KCNAB1: variants seen among roughly 807,000 people sequenced by gnomAD.
KCNAB1 encodes potassium voltage-gated channel subfamily A regulatory beta subunit 1.
A neutral mutation model predicts 64.6 loss-of-function variants in KCNAB1; 35 were observed. That is an observed-to-expected ratio of 0.54 (90% confidence interval 0.41 to 0.72). The LOEUF is 0.72. KCNAB1 is among the 30% of genes least tolerant of loss of function. The pLI, the probability that KCNAB1 is intolerant of heterozygous loss-of-function variation, is 0.00. For synonymous variants in KCNAB1, 177 were observed against 183.8 expected, an observed-to-expected ratio of 0.96 and a Z score of 0.30; for missense variants, 401 against 512.9, an observed-to-expected ratio of 0.78 and a Z score of 2.11.
intron 8 of KCNAB1, among the ~76,000 whole-genome samples, chr3:156,496,253 C>T (rs1206727316): frequency 9.9e-5 from 15 of 152,118 alleles, no homozygotes; most frequent in African/African-American, 2.2e-4. Flanking sequence ...TTGGCTGTGT[C>T]CCCACCCAAA....
intron 8 of KCNAB1, among the ~76,000 whole-genome samples, chr3:156,493,779 T>A (rs572440207): frequency 2.0e-5 from 3 of 152,256 alleles, no homozygotes; most frequent in Non-Finnish European, 4.4e-5. Context: ...AGAATGTTCT[T>A]CAGTTGGAGT....
intron 1 of KCNAB1, among the ~76,000 whole-genome samples, chr3:156,403,399 C>T (rs1397531975): frequency 6.6e-6 from 1 of 152,194 alleles, no homozygotes; most frequent in Non-Finnish European, 1.5e-5. Context: ...TCTTTCTTTA[C>T]CCTCTGGAGA....
At chr3:156,177,287 T>G (rs1712440955) in intron 1 of KCNAB1, among the ~76,000 whole-genome samples, 1 of 152,226 alleles carries the variant, frequency 6.6e-6, no homozygotes, top group Non-Finnish European at 1.5e-5. Flanking sequence ...CAGTCACACA[T>G]GGCCAATCCT....
At chr3:156,292,248 C>T (rs1720487830) in intron 1 of KCNAB1, 1 of 1,148,274 alleles carries the variant, frequency 8.7e-7, no homozygotes, top group African/African-American at 1.5e-5. Flanking sequence ...TTAGAATTCT[C>T]AGGTGGTTCT....
chr3:156,424,409 T>C (rs936328264), intron 2 of KCNAB1, among the ~76,000 whole-genome samples: 6 of 152,158 alleles, frequency 3.9e-5, no homozygotes, highest in Non-Finnish European at 8.8e-5. Context: ...TCTAAGGTAA[T>C]TTGACATTTG....
rs1241826427 is a variant in KCNAB1, at chr3:156,508,828, T to C, written c.659-5536T>C. On this transcript the variant is annotated intron_variant, in intron 8 of 13. Coordinates refer to ENST00000490337, the MANE Select transcript of KCNAB1 (RefSeq NM_172160.3). The surrounding 1 kb of genome is among the most constrained non-coding windows in gnomAD (Gnocchi z 4.1). ...ACAGGGAGTATGTACGAGAGCTGCC[T>C]GTGGCGGGTGAGCGCTGGGGAGGCA... 2.6e-5 allele frequency among the ~76,000 whole-genome samples: 4 copies of C among 152,232 alleles called. No homozygotes were observed. The highest frequency in any genetic ancestry group is 4.4e-5 in the Non-Finnish European group (3 of 68,036).
intron 1 of KCNAB1, among the ~76,000 whole-genome samples, chr3:156,181,759 G>A (rs1239898275): frequency 6.6e-6 from 1 of 152,094 alleles, no homozygotes; most frequent in Non-Finnish European, 1.5e-5. Context: ...AGGCTCTAAG[G>A]CTTGATGAGT....
chr3:156,398,183 A>G (rs985707981), intron 1 of KCNAB1, among the ~76,000 whole-genome samples: 7 of 152,170 alleles, frequency 4.6e-5, no homozygotes, highest in Admixed American at 2.0e-4. Context: ...GAGTTAAACA[A>G]TGAGAACACA....
chr3:156,135,633 A>T (rs1714301461), intron 1 of KCNAB1, among the ~76,000 whole-genome samples: 1 of 152,244 alleles, frequency 6.6e-6, no homozygotes, highest in Middle Eastern at 3.2e-3. Flanking sequence ...GATTGGAATG[A>T]TCCCAGTGAG....
intron 1 of KCNAB1, among the ~76,000 whole-genome samples, chr3:156,273,147 C>T (rs1255464473): frequency 1.3e-5 from 2 of 151,214 alleles, no homozygotes; most frequent in Admixed American, 1.3e-4. Flanking sequence ...AAAAACGGGT[C>T]TCTTTTGGAA....
At chr3:156,328,756 G>A (rs1174442608) in intron 1 of KCNAB1, among the ~76,000 whole-genome samples, 1 of 152,136 alleles carries the variant, frequency 6.6e-6, no homozygotes, top group Non-Finnish European at 1.5e-5. Context: ...GAAAAGCATT[G>A]CACAGAAGCA....
chr3:156,487,653 G>A (rs1715310631), intron 8 of KCNAB1, among the ~76,000 whole-genome samples: 1 of 152,070 alleles, frequency 6.6e-6, no homozygotes, highest in Admixed American at 6.6e-5. Flanking sequence ...GCCAGTGGAT[G>A]GAACAGTTTG....
intron 1 of KCNAB1, among the ~76,000 whole-genome samples, chr3:156,302,438 T>C (rs1319794154): frequency 9.2e-5 from 14 of 152,086 alleles, no homozygotes; most frequent in Non-Finnish European, 1.8e-4. Flanking sequence ...AAAGGAACCC[T>C]AAAGTATCAA....
chr3:156,378,883 G>A (rs149505135), intron 1 of KCNAB1, among the ~76,000 whole-genome samples: 2,019 of 152,266 alleles, frequency 0.013, 17 homozygotes, highest in South Asian at 0.031. Context: ...AGAGGGAGGA[G>A]GGTCTACAAA....
rs190669757 is a variant in KCNAB1, at chr3:156,166,181, A to G, written c.275+45295A>G. Among the ~76,000 whole-genome samples the G allele has an allele frequency of 5.3e-5, 8 of 152,340 alleles. No individual in the cohort carries two copies. In the East Asian group the frequency reaches 1.5e-3, roughly 29 times the overall value. Reference sequence around the variant, plus strand: ...GAGAAAGACTAATGTCTCAGATGATATGCTGTGCTTTACTGTTAAGTGTAG... The same window carrying G: ...GAGAAAGACTAATGTCTCAGATGATGTGCTGTGCTTTACTGTTAAGTGTAG... On this transcript the variant is annotated intron_variant, in intron 1 of 13. Coordinates refer to ENST00000490337, the MANE Select transcript of KCNAB1 (RefSeq NM_172160.3).
At chr3:156,225,200 CA>C (rs1037539741) in intron 1 of KCNAB1, among the ~76,000 whole-genome samples, 7 of 152,188 alleles carry the variant, frequency 4.6e-5, no homozygotes, top group Non-Finnish European at 1.0e-4. Flanking sequence ...AGTCCAACAA[CA>C]TATCAAAAAG....
At chr3:156,489,459 A>AT (rs1715479740) in intron 8 of KCNAB1, among the ~76,000 whole-genome samples, 1 of 152,150 alleles carries the variant, frequency 6.6e-6, no homozygotes, top group African/African-American at 2.4e-5. Flanking sequence ...AAGACTGAAC[A>AT]TTGTCTATTG....
In KCNAB1 at chr3:156,475,365, C is replaced by T. The variant is rs575557088; in HGVS notation, c.658+545C>T. On this transcript the variant is annotated intron_variant, in intron 8 of 13. Transcript: ENST00000490337. The stretch of plus-strand genomic sequence containing the variant: ...CCTTCTGTTATAACTGTTTGAGGAC[C>T]ACAGTTTAAGCTTCTCCCTGTGGAA... Among the ~76,000 whole-genome samples, 6 of 152,244 alleles carry T rather than the reference C, an allele frequency of 3.9e-5. No homozygotes were observed. In the East Asian group the frequency reaches 9.7e-4, roughly 25 times the overall value.
intron 12 of KCNAB1, among the ~76,000 whole-genome samples, chr3:156,530,945 G>C (rs1718660955): frequency 6.6e-6 from 1 of 152,190 alleles, no homozygotes; most frequent in Non-Finnish European, 1.5e-5. Context: ...TGTGTTTCTA[G>C]GGTGGGTAGC....
Sources: allele counts gnomAD v4.1 joint callset (sites outside exome capture counted in the v4.1 genomes callset), GRCh38; gene constraint gnomAD v4.1.1; non-coding constraint Gnocchi (gnomAD v3.1); transcripts MANE v1.5; gene names NCBI Gene and HGNC (gene_info 2026-07-23, HGNC 2026-07-21).